The following ANXA13 variants were observed in gnomAD, a reference collection of about 807,000 sequenced individuals.
The protein encoded by ANXA13 is annexin XIII.
Under a neutral mutation model 46.6 loss-of-function variants are expected in ANXA13, and 36 were observed. The ratio of observed to expected loss-of-function variants is 0.77; its 90% CI spans 0.59 to 1.02. The LOEUF (loss-of-function observed/expected upper bound fraction) is 1.02, where lower values mean the gene tolerates loss of function less well. Ranked by LOEUF, ANXA13 falls within the 50% of genes least tolerant of loss-of-function variation. ANXA13 has a pLI of 0.00. For missense variants in ANXA13, 417 were observed against 396.5 expected (o/e 1.05, Z -0.44); for synonymous variants, 163 against 152.9 (o/e 1.07, Z -0.49).
At chr8:123,681,708 C>G (rs1411782987) in intron 10 of ANXA13, among the ~76,000 whole-genome samples, 1 of 150,620 alleles carries the variant, frequency 6.6e-6, no homozygotes, top group African/African-American at 2.4e-5. Context: ...ACTGCAATCT[C>G]CGCCTCCTGG....
chr8:123,695,257 C>T (rs772904047), intron 6 of ANXA13, among the ~76,000 whole-genome samples: 10 of 151,742 alleles, frequency 6.6e-5, no homozygotes, highest in Non-Finnish European at 2.9e-5. Flanking sequence ...CTTAATGAGC[C>T]GATTCATTTA....
chr8:123,723,581 A>G (rs1813928230), intron 1 of ANXA13, among the ~76,000 whole-genome samples: 2 of 152,308 alleles, frequency 1.3e-5, no homozygotes, highest in African/African-American at 2.4e-5. Context: ...TGGCGAGATC[A>G]TGCTGGTAAC....
At chr8:123,686,415 G>A (rs1813140965) in intron 9 of ANXA13, among the ~76,000 whole-genome samples, 2 of 150,638 alleles carry the variant, frequency 1.3e-5, no homozygotes, top group South Asian at 4.2e-4. Flanking sequence ...AGCCAAGATT[G>A]CACCACTGCA....
chr8:123,683,986 T>C (rs941352389), intron 10 of ANXA13, among the ~76,000 whole-genome samples: 1 of 152,220 alleles, frequency 6.6e-6, no homozygotes, highest in South Asian at 2.1e-4. Flanking sequence ...AATTGGTTTT[T>C]AGGGGGTGAA....
intron 1 of ANXA13, among the ~76,000 whole-genome samples, chr8:123,732,364 C>T (rs2385506): frequency 0.44 from 66,462 of 152,028 alleles, 14,907 homozygotes; most frequent in South Asian, 0.53. Flanking sequence ...TCAAAACAGC[C>T]CACAGTCTAG....
intron 2 of ANXA13, among the ~76,000 whole-genome samples, chr8:123,708,030 G>C (rs1033955869): frequency 6.6e-6 from 1 of 151,996 alleles, no homozygotes; most frequent in African/African-American, 2.4e-5. Context: ...AGGTTGATCC[G>C]GGGGGTGTTT....
chr8:123,702,593 G>A (rs374872951), intron 3 of ANXA13, 49 bp downstream of exon 3: 146 of 1,483,572 alleles, frequency 9.8e-5, no homozygotes, highest in Middle Eastern at 5.2e-4. Context: ...AAGCCGAGAC[G>A]GCTGAGGCCA....
At chr8:123,732,668 G>GTTT (rs901711417) in intron 1 of ANXA13, among the ~76,000 whole-genome samples, 4 of 146,978 alleles carry the variant, frequency 2.7e-5, no homozygotes, top group Non-Finnish European at 4.5e-5. Context: ...ACAATGGCTG[G>GTTT]TTTGTTTTTT....
At chr8:123,684,785 C>CT (rs1214157935) in intron 9 of ANXA13, 63 bp from the exon 10 acceptor site, 2 of 1,254,192 alleles carry the variant, frequency 1.6e-6, no homozygotes, top group African/African-American at 3.0e-5. Context: ...ACCTTGGGAC[C>CT]CCCCTAAATG....
intron 4 of ANXA13, among the ~76,000 whole-genome samples, chr8:123,697,012 C>T (rs1039255046): frequency 8.5e-5 from 13 of 152,206 alleles, no homozygotes; most frequent in Admixed American, 2.0e-4. Context: ...CGGGTTCAAG[C>T]GATCCTCCTG....
chr8:123,690,769 T>C lies in ANXA13; in HGVS notation c.643-1823A>G, dbSNP rs945123321. 6.6e-6 allele frequency among the ~76,000 whole-genome samples: 1 copy of C among 152,194 alleles called. No individual in the cohort carries two copies. The highest frequency in any genetic ancestry group is 1.5e-5 in the Non-Finnish European group (1 of 68,026). Reference sequence around the variant, plus strand: ...TTAGAGGAGCAGGGGAGACATTTCTTTCTTTGAAAATCGGTTTCCCCAAAT... The same window carrying C: ...TTAGAGGAGCAGGGGAGACATTTCTCTCTTTGAAAATCGGTTTCCCCAAAT... On this transcript the variant is annotated intron_variant, in intron 8 of 10. Coordinates refer to ENST00000419625, the MANE Select transcript of ANXA13 (RefSeq NM_004306.4). The surrounding 1 kb of genome is among the most constrained non-coding windows in gnomAD (Gnocchi z 4.6).
intron 1 of ANXA13, chr8:123,735,811 C>T (rs202001254): frequency 1.6e-4 from 258 of 1,612,632 alleles, no homozygotes; most frequent in Non-Finnish European, 2.1e-4. Flanking sequence ...GGCTGCACGA[C>T]TGTCGAGGGT....
chr8:123,714,222 G>A (rs940471924), intron 1 of ANXA13, among the ~76,000 whole-genome samples: 52 of 152,152 alleles, frequency 3.4e-4, no homozygotes, highest in Non-Finnish European at 1.3e-4. Flanking sequence ...CATGAGGCTT[G>A]AGCCCCTTTG....
intron 1 of ANXA13, among the ~76,000 whole-genome samples, chr8:123,735,136 C>G (rs1023467504): frequency 6.6e-6 from 1 of 151,164 alleles, no homozygotes; most frequent in Admixed American, 6.6e-5. Context: ...AAAAACAAAC[C>G]CAGCATTATA....
At chr8:123,682,914 G>T (rs775658865) in intron 10 of ANXA13, among the ~76,000 whole-genome samples, 90 of 152,304 alleles carry the variant, frequency 5.9e-4, no homozygotes, top group Non-Finnish European at 9.1e-4. Context: ...CACTCCGTGG[G>T]CCATGTCGGA....
intron 1 of ANXA13, chr8:123,735,908 C>A: frequency 6.4e-7 from 1 of 1,568,994 alleles, no homozygotes. Flanking sequence ...CATAAAAATG[C>A]TGGTCCACTC....
intron 2 of ANXA13, among the ~76,000 whole-genome samples, chr8:123,707,292 G>C (rs1035908674): frequency 6.6e-6 from 1 of 152,100 alleles, no homozygotes; most frequent in Non-Finnish European, 1.5e-5. Flanking sequence ...TATTCAGATG[G>C]GTCTGTGTAG....
chr8:123,707,061 A>G (rs988944333), intron 2 of ANXA13, among the ~76,000 whole-genome samples: 11 of 152,234 alleles, frequency 7.2e-5, no homozygotes, highest in Admixed American at 6.5e-4. Flanking sequence ...GCCAGGACAC[A>G]TGGCAAATTC....
At chr8:123,720,119 T>G (rs1364649900) in intron 1 of ANXA13, among the ~76,000 whole-genome samples, 1 of 152,230 alleles carries the variant, frequency 6.6e-6, no homozygotes, top group Admixed American at 6.5e-5. Context: ...CTTGGCTGGC[T>G]GCACTCTGCT....
Sources: allele counts gnomAD v4.1 joint callset (sites outside exome capture counted in the v4.1 genomes callset), GRCh38; gene constraint gnomAD v4.1.1; non-coding constraint Gnocchi (gnomAD v3.1); transcripts MANE v1.5; gene names NCBI Gene and HGNC (gene_info 2026-07-23, HGNC 2026-07-21).